RILPL1: variants seen among roughly 807,000 people sequenced by gnomAD.
RILPL1 encodes the protein Rab interacting lysosomal protein like 1, also known as RILP-like protein 1.
Under a neutral mutation model 50.3 loss-of-function variants are expected in RILPL1, and 33 were observed. That is an observed-to-expected ratio of 0.66 (90% CI 0.50 to 0.88). RILPL1 has a LOEUF of 0.88. RILPL1 is among the 40% of genes least tolerant of loss of function. The pLI, the probability that RILPL1 is intolerant of heterozygous loss-of-function variation, is 0.00. For synonymous variants in RILPL1, 205 were observed against 228.6 expected (o/e 0.90, Z 0.93); for missense variants, 418 against 542.5 (o/e 0.77, Z 2.28).
At chr12:123,518,173 G>T (rs1461541923) in intron 2 of RILPL1, among the ~76,000 whole-genome samples, 2 of 152,130 alleles carry the variant, frequency 1.3e-5, no homozygotes, top group African/African-American at 4.8e-5. Context: ...ACAAGACTGT[G>T]AATGTACTTA....
intron 4 of RILPL1, among the ~76,000 whole-genome samples, chr12:123,494,090 C>T (rs1252852310): frequency 6.6e-6 from 1 of 152,086 alleles, no homozygotes; most frequent in Non-Finnish European, 1.5e-5. Flanking sequence ...TGGCCCTGTC[C>T]CTGCCTCTTG....
rs191975398 is a variant in RILPL1 at position 123,477,779 on chromosome 12, C to T, written c.1068-5097G>A. Among the ~76,000 whole-genome samples the T allele has an allele frequency of 1.5e-3, 225 of 152,144 alleles. 3 individuals carry two copies. In the Middle Eastern group the frequency reaches 0.027, roughly 19 times the overall value. The stretch of plus-strand genomic sequence containing the variant: ...GGGCTCCAAGCAACACCATTTTGTA[C>T]CCACCTTTGCCAGGACACCCAAAGA... On this transcript the variant is annotated intron_variant, in intron 6 of 6. Transcript: ENST00000376874.
At chr12:123,511,732 T>C (rs1318499185) in intron 2 of RILPL1, among the ~76,000 whole-genome samples, 1 of 138,270 alleles carries the variant, frequency 7.2e-6, no homozygotes, top group African/African-American at 2.8e-5. Flanking sequence ...GGTTTGTGTG[T>C]GTGGTGTGTG....
chr12:123,526,898 T>C (rs1220684166), intron 1 of RILPL1, among the ~76,000 whole-genome samples: 1 of 152,114 alleles, frequency 6.6e-6, no homozygotes, highest in Non-Finnish European at 1.5e-5. Flanking sequence ...TAGGCTGGGC[T>C]CACACGGGGC....
chr12:123,532,703 TGGG>T (rs371925078), intron 1 of RILPL1, among the ~76,000 whole-genome samples: 4 of 23,642 alleles, frequency 1.7e-4, no homozygotes, highest in South Asian at 1.2e-3. Context: ...CTGGGGAGAC[TGGG>T]GGGGGGGGGG....
At chr12:123,512,606 TG>T (rs1306264584) in intron 2 of RILPL1, among the ~76,000 whole-genome samples, 1 of 143,718 alleles carries the variant, frequency 7.0e-6, no homozygotes, top group Non-Finnish European at 1.5e-5. Flanking sequence ...GAGATCTGTA[TG>T]TGTGAGGTCT....
At chr12:123,508,962 G>C (rs890817921) in intron 2 of RILPL1, among the ~76,000 whole-genome samples, 2 of 152,116 alleles carry the variant, frequency 1.3e-5, no homozygotes, top group African/African-American at 4.8e-5. Flanking sequence ...GAGGAGGGCG[G>C]ATCACTTGAG....
In RILPL1 at chr12:123,489,348, G is replaced by A. The variant is rs569623521; in HGVS notation, c.802-3543C>T. On this transcript the variant is annotated intron_variant, in intron 4 of 6. Transcript: ENST00000376874. The surrounding 1 kb of genome is among the most constrained non-coding windows in gnomAD (Gnocchi z 4.0). ...ACCAGCCTGGACAACATGGTGAAAC[G>A]CTATCTCTACTGAAAATACAAAAAT... 1.3e-5 allele frequency among the ~76,000 whole-genome samples: 2 copies of A among 151,872 alleles called. No homozygotes were observed. Among genetic ancestry groups the A allele is most frequent in the South Asian group, 2.1e-4 (1 of 4,806 alleles).
Position 123,485,695 on chromosome 12 carries a change from G to T in RILPL1, c.912C>A (p.His304Gln), listed in dbSNP as rs1476083366. 6.2e-7 allele frequency: 1 copy of T among 1,613,674 alleles called. No homozygotes were observed. Among genetic ancestry groups the T allele is most frequent in the Non-Finnish European group, 8.5e-7 (1 of 1,179,780 alleles). Reference sequence around the variant, plus strand: ...CCTTGGACTTGAGCTCGTTCCTCTCGTGCAGCACGTCCCGCAGCTCCTGCA... The same window carrying T: ...CCTTGGACTTGAGCTCGTTCCTCTCTTGCAGCACGTCCCGCAGCTCCTGCA... ...FTLQELRDVL[H>Q]ERNELKSKVF... The change falls in exon 5 of 7, where the codon CAC becomes CAA. Residue 304 changes from histidine to glutamine, a missense_variant. Coordinates refer to ENST00000376874, the MANE Select transcript of RILPL1 (RefSeq NM_178314.5). This position sits in a 1 kb window ranked among gnomAD's most constrained non-coding sequence, Gnocchi z 4.0.
At chr12:123,508,334 C>T (rs1233781843) in intron 2 of RILPL1, among the ~76,000 whole-genome samples, 2 of 152,110 alleles carry the variant, frequency 1.3e-5, no homozygotes, top group Admixed American at 6.6e-5. Flanking sequence ...TTCGAGGCTG[C>T]AGTGAGCTAT....
intron 2 of RILPL1, chr12:123,513,214 ATGTG>A (rs1040031339): frequency 2.5e-5 from 6 of 238,914 alleles, no homozygotes; most frequent in African/African-American, 1.4e-4. Context: ...TGGGTGTTGT[ATGTG>A]TGTGTCGTGT....
rs781240595 is a variant in RILPL1, at chr12:123,498,783, C to A, written c.580-18G>T. The A allele has an allele frequency of 1.2e-6, 2 of 1,609,366 alleles. No homozygotes were observed. Among genetic ancestry groups the A allele is most frequent in the Non-Finnish European group, 1.7e-6 (2 of 1,179,372 alleles). The stretch of plus-strand genomic sequence containing the variant: ...TGCTGTAACTGTAGAAAAAGGGAGA[C>A]CATTGTGCGGGGCTGCCACCTGCGG... On this transcript the variant is annotated intron_variant, in intron 3 of 6. Transcript: ENST00000376874. The surrounding 1 kb of genome is among the most constrained non-coding windows in gnomAD (Gnocchi z 4.3).
intron 6 of RILPL1, among the ~76,000 whole-genome samples, chr12:123,479,856 C>G (rs910269696): frequency 1.3e-5 from 2 of 152,182 alleles, no homozygotes; most frequent in Non-Finnish European, 2.9e-5. Context: ...AGGGCCCCAG[C>G]GTCCTTTCTG....
intron 2 of RILPL1, chr12:123,518,535 T>C (rs1234228649): frequency 4.5e-6 from 1 of 223,028 alleles, no homozygotes; most frequent in Non-Finnish European, 9.3e-6. Flanking sequence ...GCGGTTAAGA[T>C]GGTAAATTTT....
chr12:123,505,730 C>G (rs1883708093), intron 2 of RILPL1, among the ~76,000 whole-genome samples: 1 of 152,194 alleles, frequency 6.6e-6, no homozygotes, highest in South Asian at 2.1e-4. Flanking sequence ...TTAAGTGATC[C>G]TCCCACCTCA....
chr12:123,521,167 A>C (rs1016423260), intron 2 of RILPL1, among the ~76,000 whole-genome samples: 81 of 152,130 alleles, frequency 5.3e-4, no homozygotes, highest in African/African-American at 1.8e-3. Context: ...TCTACGAACC[A>C]GGTAAGATTC....
chr12:123,531,285 C>T (rs7298068), intron 1 of RILPL1, among the ~76,000 whole-genome samples: 12,783 of 152,172 alleles, frequency 0.084, 866 homozygotes, highest in African/African-American at 0.19. Context: ...CAGCTGAACA[C>T]TTTCCAGAGG....
intron 1 of RILPL1, among the ~76,000 whole-genome samples, chr12:123,527,994 A>C (rs1228143781): frequency 6.6e-6 from 1 of 152,202 alleles, no homozygotes; most frequent in Non-Finnish European, 1.5e-5. Context: ...AGTATTATTT[A>C]TATTGATAAT....
At chr12:123,509,148 C>A (rs541572958) in intron 2 of RILPL1, among the ~76,000 whole-genome samples, 1 of 151,798 alleles carries the variant, frequency 6.6e-6, no homozygotes, top group South Asian at 2.1e-4. Flanking sequence ...AAACAACAAA[C>A]AAACAAACAA....
Sources: gnomAD v4.1 joint callset for allele counts (sites outside exome capture counted in the v4.1 genomes callset) on GRCh38, gnomAD v4.1.1 for gene constraint, Gnocchi (gnomAD v3.1) non-coding constraint, MANE v1.5 for transcripts, NCBI Gene and HGNC (gene_info 2026-07-23, HGNC 2026-07-21) for gene names.